Variants in RCOR1 observed in about 807,000 individuals in gnomAD.
RCOR1 encodes REST corepressor 1.
RCOR1 carries 12 observed loss-of-function variants against 64.0 expected under a neutral mutation model. The observed-to-expected ratio is 0.19, with a 90% CI of 0.12 to 0.30. The LOEUF (loss-of-function observed/expected upper bound fraction) is 0.30. Among genes scored for constraint, RCOR1 ranks in the 10% least tolerant of loss-of-function variants. The pLI is 1.00. For synonymous variants in RCOR1, 279 were observed against 227.2 expected, an observed-to-expected ratio of 1.23 and a Z score of -2.05; for missense variants, 502 against 621.2, an observed-to-expected ratio of 0.81 and a Z score of 2.04.
At chr14:102,675,089 A>G (rs1311283332) in intron 2 of RCOR1, among the ~76,000 whole-genome samples, 1 of 151,492 alleles carries the variant, frequency 6.6e-6, no homozygotes, top group East Asian at 1.9e-4. Context: ...TTAAACAAAG[A>G]GACCTGCCTG....
chr14:102,626,030 C>A (rs1410148082), intron 2 of RCOR1, among the ~76,000 whole-genome samples: 1 of 152,172 alleles, frequency 6.6e-6, no homozygotes, highest in Non-Finnish European at 1.5e-5. Context: ...ACCCTTTTAT[C>A]TCTGTTTCAG....
chr14:102,660,455 C>T (rs189374653), intron 2 of RCOR1, among the ~76,000 whole-genome samples: 1 of 151,712 alleles, frequency 6.6e-6, no homozygotes, highest in African/African-American at 2.4e-5. Context: ...GATGTATGAT[C>T]ATGGCTTACT....
intron 2 of RCOR1, among the ~76,000 whole-genome samples, chr14:102,627,903 T>C (rs1276352793): frequency 1.3e-5 from 2 of 151,364 alleles, no homozygotes; most frequent in African/African-American, 4.9e-5. Context: ...TGTGTGCGTG[T>C]ATATATATAT....
intron 3 of RCOR1, among the ~76,000 whole-genome samples, chr14:102,697,600 T>A (rs1167714341): frequency 6.6e-6 from 1 of 152,182 alleles, no homozygotes; most frequent in Non-Finnish European, 1.5e-5. Context: ...TACATTAACT[T>A]ACTTCATCAC....
chr14:102,708,658 A>G, intron 6 of RCOR1, 75 bp downstream of exon 6: 3 of 808,658 alleles, frequency 3.7e-6, no homozygotes, highest in Non-Finnish European at 6.3e-6. Flanking sequence ...AAGGCAAGGC[A>G]GAATGACTGG....
rs992861770 is a variant in RCOR1 at position 102,729,182 on chromosome 14, T to C, written c.*2676T>C. On this transcript the variant is annotated 3_prime_UTR_variant, in exon 12 of 12. Transcript: ENST00000262241. ...TAGTGTCATTGATGCAAATAATAGT[T>C]TAACTTTTAGTTTAGAACTCCTAAA... 3.9e-5 allele frequency: 6 copies of C among 152,672 alleles called. No individual in the cohort carries two copies. The highest frequency in any genetic ancestry group is 8.8e-5 in the Non-Finnish European group (6 of 68,044). The allele number at this position is 152,672 out of a possible 1,614,324, so 9.5% of individuals were successfully genotyped here. A position where few individuals can be genotyped will look rare whatever the true frequency, so the allele number is the denominator to read the frequency against.
At chr14:102,702,368 A>G (rs1694589758) in intron 4 of RCOR1, among the ~76,000 whole-genome samples, 1 of 151,986 alleles carries the variant, frequency 6.6e-6, no homozygotes, top group African/African-American at 2.4e-5. Context: ...TAATTCCAGC[A>G]TAAAAATTAC....
intron 2 of RCOR1, among the ~76,000 whole-genome samples, chr14:102,639,803 G>A (rs1894327849): frequency 7.0e-6 from 1 of 142,562 alleles, no homozygotes; most frequent in Non-Finnish European, 1.5e-5. Flanking sequence ...AAAGTGCTGG[G>A]GTTACAGGTG....
intron 2 of RCOR1, among the ~76,000 whole-genome samples, chr14:102,635,231 C>T (rs1183321992): frequency 6.6e-6 from 1 of 152,174 alleles, no homozygotes; most frequent in Non-Finnish European, 1.5e-5. Flanking sequence ...CTGCTGCACA[C>T]GGCGGCTCAT....
chr14:102,710,617 T>C (rs1471913688), intron 6 of RCOR1: 1 of 248,868 alleles, frequency 4.0e-6, no homozygotes, highest in East Asian at 1.2e-4. Flanking sequence ...GAAAATAACA[T>C]GTAAATGCAT....
intron 2 of RCOR1, among the ~76,000 whole-genome samples, chr14:102,610,848 C>T (rs1220622722): frequency 6.6e-6 from 1 of 152,074 alleles, no homozygotes; most frequent in African/African-American, 2.4e-5. Flanking sequence ...GCCACCGTGC[C>T]CAGCCCAAAA....
intron 2 of RCOR1, among the ~76,000 whole-genome samples, chr14:102,641,951 C>A (rs1894378600): frequency 1.3e-5 from 2 of 152,080 alleles, no homozygotes; most frequent in African/African-American, 4.8e-5. Flanking sequence ...GGAATTTGAG[C>A]AGCACTGAAT....
intron 2 of RCOR1, among the ~76,000 whole-genome samples, chr14:102,665,260 C>T (rs1894895988): frequency 6.6e-6 from 1 of 151,534 alleles, no homozygotes. Context: ...CCACCTCAGC[C>T]TCCCAAAGTA....
chr14:102,699,777 G>A (rs1486901499), intron 3 of RCOR1, among the ~76,000 whole-genome samples: 1 of 149,862 alleles, frequency 6.7e-6, no homozygotes, highest in Non-Finnish European at 1.5e-5. Flanking sequence ...TTTAGCTTGT[G>A]TTGTTGTTAT....
intron 2 of RCOR1, among the ~76,000 whole-genome samples, chr14:102,664,230 C>A (rs1894875848): frequency 6.6e-6 from 1 of 152,178 alleles, no homozygotes; most frequent in African/African-American, 2.4e-5. Context: ...CTCAGCCTCT[C>A]TAGTAGCTGG....
Position 102,678,346 on chromosome 14 carries a change from C to T in RCOR1, c.362-3549C>T, listed in dbSNP as rs538819814. Among the ~76,000 whole-genome samples the T allele has an allele frequency of 2.0e-5, 3 of 152,230 alleles. No individual in the cohort carries two copies. The East Asian group carries it at 5.8e-4, about 29-fold the overall frequency. ...GTGGTGTCTCGCTCTGTCGCCCAGG[C>T]TGGAGTGCAGTGGCGCGATCTTGGC... On this transcript the variant is annotated intron_variant, in intron 2 of 11. Coordinates refer to ENST00000262241, the MANE Select transcript of RCOR1 (RefSeq NM_015156.4).
intron 10 of RCOR1, chr14:102,721,608 T>C (rs1456698316): frequency 1.4e-5 from 5 of 346,870 alleles, no homozygotes; most frequent in Non-Finnish European, 2.6e-5. Context: ...CATTGGTAGA[T>C]TTTAGGGAAA....
chr14:102,682,193 G>A (rs748901806), intron 3 of RCOR1, among the ~76,000 whole-genome samples: 2 of 152,110 alleles, frequency 1.3e-5, no homozygotes, highest in African/African-American at 2.4e-5. Context: ...GCAGCAGCAC[G>A]ATCTGGGCTC....
At chr14:102,613,301 C>G (rs139809875) in intron 2 of RCOR1, among the ~76,000 whole-genome samples, 1 of 151,356 alleles carries the variant, frequency 6.6e-6, no homozygotes, top group Non-Finnish European at 1.5e-5. Flanking sequence ...GGGGTTTCAC[C>G]GTGTTGGCCT....
Sources: allele counts gnomAD v4.1 joint callset (sites outside exome capture counted in the v4.1 genomes callset), GRCh38; gene constraint gnomAD v4.1.1; transcripts MANE v1.5; gene names NCBI Gene and HGNC (gene_info 2026-07-23, HGNC 2026-07-21).